The following GBE1 variants were observed in gnomAD, a reference collection of about 807,000 sequenced individuals.
The protein encoded by GBE1 is 1,4-alpha-glucan branching enzyme 1.
GBE1 carries 70 observed loss-of-function variants against 88.8 expected under a neutral mutation model. The ratio of observed to expected loss-of-function variants is 0.79; its 90% confidence interval spans 0.65 to 0.96. The LOEUF is 0.96. Among genes scored for constraint, GBE1 ranks in the 40% least tolerant of loss-of-function variants. The pLI is 0.00. For synonymous variants in GBE1, 284 were observed against 300.1 expected (o/e 0.95, Z 0.56); for missense variants, 872 against 871.0 (o/e 1.00, Z -0.01).
At chr3:81,629,476 C>G (rs926148752) in intron 7 of GBE1, among the ~76,000 whole-genome samples, 5 of 151,922 alleles carry the variant, frequency 3.3e-5, no homozygotes, top group Non-Finnish European at 7.4e-5. Context: ...AAAACATACA[C>G]TTTTTTAGTT....
chr3:81,495,338 A>C (rs1470952264), intron 15 of GBE1, among the ~76,000 whole-genome samples: 2 of 152,140 alleles, frequency 1.3e-5, no homozygotes, highest in African/African-American at 4.8e-5. Context: ...GCAGTGAGTC[A>C]AGATCACGCC....
intron 14 of GBE1, among the ~76,000 whole-genome samples, chr3:81,526,012 T>A (rs1308381228): frequency 2.6e-5 from 4 of 152,096 alleles, no homozygotes; most frequent in Non-Finnish European, 5.9e-5. Context: ...TTTGAAGGGT[T>A]TTTTATGTCT....
rs115112803 is a variant in GBE1 at position 81,591,388 on chromosome 3, G to T, written c.1109-224C>A. On this transcript the variant is annotated intron_variant, in intron 8 of 15. Coordinates refer to ENST00000429644, the MANE Select transcript of GBE1 (RefSeq NM_000158.4). ...TTGTTTGACAAATGCACACGCATGA[G>T]AAAAACAAAGCACTTTAAAGATTTA... 7.5e-3 allele frequency among the ~76,000 whole-genome samples: 1,141 copies of T among 152,188 alleles called. 13 individuals are homozygous for T. Among genetic ancestry groups the T allele is most frequent in the African/African-American group, 0.026 (1,087 of 41,568 alleles).
chr3:81,692,268 C>A (rs922492646), intron 2 of GBE1, among the ~76,000 whole-genome samples: 2 of 152,154 alleles, frequency 1.3e-5, no homozygotes, highest in Non-Finnish European at 2.9e-5. Context: ...CTAATTTCTT[C>A]TAATTAACCT....
At chr3:81,593,476 G>A (rs1268821032) in intron 8 of GBE1, among the ~76,000 whole-genome samples, 1 of 151,108 alleles carries the variant, frequency 6.6e-6, no homozygotes, top group African/African-American at 2.4e-5. Flanking sequence ...CTGAGAGTCT[G>A]ATAAATATTT....
intron 10 of GBE1, among the ~76,000 whole-genome samples, chr3:81,582,787 T>A (rs1416442656): frequency 6.6e-6 from 1 of 151,924 alleles, no homozygotes; most frequent in Non-Finnish European, 1.5e-5. Flanking sequence ...ATAAAAACTA[T>A]AAAACATTTA....
intron 7 of GBE1, among the ~76,000 whole-genome samples, chr3:81,640,437 C>T (rs1704656097): frequency 6.6e-6 from 1 of 152,048 alleles, no homozygotes; most frequent in East Asian, 1.9e-4. Flanking sequence ...AGCTTTTGGA[C>T]TCTTGGGCCT....
chr3:81,722,808 C>T (rs1274999227), intron 1 of GBE1, among the ~76,000 whole-genome samples: 1 of 150,898 alleles, frequency 6.6e-6, no homozygotes. Context: ...AGTTTTCCCA[C>T]CCCCTTTAAC....
At chr3:81,544,553 G>A (rs548425349) in intron 12 of GBE1, among the ~76,000 whole-genome samples, 74 of 152,274 alleles carry the variant, frequency 4.9e-4, no homozygotes, top group Admixed American at 1.4e-3. Flanking sequence ...TTCTAGAAAT[G>A]AGAAATCTGA....
chr3:81,749,005 C>CAAAA (rs34051030), intron 1 of GBE1, among the ~76,000 whole-genome samples: 1 of 108,100 alleles, frequency 9.3e-6, no homozygotes, highest in African/African-American at 3.5e-5. Context: ...GACTCTGTCT[C>CAAAA]AAAAAAAAAA....
chr3:81,584,420 A>G (rs963358019), intron 10 of GBE1, among the ~76,000 whole-genome samples: 2 of 152,038 alleles, frequency 1.3e-5, no homozygotes, highest in African/African-American at 4.8e-5. Context: ...CCACTTATTG[A>G]ATTGTTTTTA....
chr3:81,528,564 G>T (rs1276212702), intron 14 of GBE1, among the ~76,000 whole-genome samples: 2 of 152,014 alleles, frequency 1.3e-5, no homozygotes, highest in African/African-American at 4.8e-5. Flanking sequence ...TTGTCCAAAG[G>T]TGAAGGTGGG....
intron 2 of GBE1, among the ~76,000 whole-genome samples, chr3:81,690,259 T>C (rs1705500812): frequency 6.6e-6 from 1 of 152,230 alleles, no homozygotes; most frequent in Non-Finnish European, 1.5e-5. Context: ...CAAAGTCATA[T>C]GTTCATCCCC....
chr3:81,650,136 A>C (rs1471017514), intron 3 of GBE1: 2 of 365,584 alleles, frequency 5.5e-6, no homozygotes, highest in Non-Finnish European at 9.9e-6. Flanking sequence ...TCCAGCTTGA[A>C]CATTTTATGG....
intron 14 of GBE1, among the ~76,000 whole-genome samples, chr3:81,527,136 A>C (rs1702953918): frequency 2.0e-5 from 3 of 152,180 alleles, no homozygotes; most frequent in Non-Finnish European, 2.9e-5. Context: ...TCCCTATTTA[A>C]TAAATGGTGC....
At chr3:81,679,621 T>C (rs1169156823) in intron 2 of GBE1, among the ~76,000 whole-genome samples, 1 of 152,240 alleles carries the variant, frequency 6.6e-6, no homozygotes, top group African/African-American at 2.4e-5. Context: ...TTGTTCTAGC[T>C]GTAACCAATA....
At chr3:81,698,093 C>T (rs1277819829) in intron 2 of GBE1, among the ~76,000 whole-genome samples, 3 of 148,002 alleles carry the variant, frequency 2.0e-5, no homozygotes, top group South Asian at 4.2e-4. Flanking sequence ...TCTTACAACA[C>T]GACAAGGTCT....
intron 1 of GBE1, among the ~76,000 whole-genome samples, chr3:81,747,821 C>T (rs1170384655): frequency 2.6e-5 from 4 of 152,144 alleles, no homozygotes; most frequent in Non-Finnish European, 5.9e-5. Context: ...CCCCCTTTGA[C>T]TGTAATTTTC....
At chr3:81,711,729 C>T (rs568151905) in intron 1 of GBE1, among the ~76,000 whole-genome samples, 3 of 152,148 alleles carry the variant, frequency 2.0e-5, no homozygotes, top group Admixed American at 2.0e-4. Context: ...CAATACCATT[C>T]AGGACATAGG....
Sources: gnomAD v4.1 joint callset for allele counts (sites outside exome capture counted in the v4.1 genomes callset) on GRCh38, gnomAD v4.1.1 for gene constraint, MANE v1.5 for transcripts, NCBI Gene and HGNC (gene_info 2026-07-23, HGNC 2026-07-21) for gene names.